The following KIF15 variants were observed in gnomAD, a reference collection of about 807,000 sequenced individuals.
KIF15 encodes the protein kinesin-like protein KIF15.
A neutral mutation model predicts 190.6 loss-of-function variants in KIF15; 140 were observed. That is an observed-to-expected ratio of 0.73 (90% CI 0.64 to 0.84). The LOEUF is 0.84. KIF15 is among the 40% of genes least tolerant of loss of function. The pLI is 0.00. For missense variants in KIF15, 1,372 were observed against 1,584.4 expected, an observed-to-expected ratio of 0.87 and a Z score of 2.28; for synonymous variants, 528 against 551.3, an observed-to-expected ratio of 0.96 and a Z score of 0.59.
chr3:44,867,180 CTG>C (rs1699331349), intron 6 of KIF15, among the ~76,000 whole-genome samples: 1 of 152,202 alleles, frequency 6.6e-6, no homozygotes, highest in African/African-American at 2.4e-5. Context: ...CCCGATCTGA[CTG>C]GGCTCAGCTC....
chr3:44,854,618 C>T (rs1412303419), downstream of KIF15, among the ~76,000 whole-genome samples: 1 of 152,166 alleles, frequency 6.6e-6, no homozygotes, highest in African/African-American at 2.4e-5. Flanking sequence ...GTTCTGATCA[C>T]CTGTATCAGC....
chr3:44,811,130 T>A, intron 17 of KIF15, 87 bp downstream of exon 17: 1 of 964,190 alleles, frequency 1.0e-6, no homozygotes, highest in Admixed American at 2.6e-5. Flanking sequence ...TAAGTTACAG[T>A]GTTCAAAAGT....
At chr3:44,833,201 A>G (rs77136835) in intron 26 of KIF15, among the ~76,000 whole-genome samples, 8,665 of 152,074 alleles carry the variant, frequency 0.057, 262 homozygotes, top group Middle Eastern at 0.092. Flanking sequence ...AGTACTTCCT[A>G]CTGCATAAGG....
chr3:44,800,231 A>G (rs928886130), intron 10 of KIF15, 83 bp from the exon 11 acceptor site: 44 of 1,343,648 alleles, frequency 3.3e-5, no homozygotes, highest in Non-Finnish European at 4.4e-5. Flanking sequence ...TCATCACTAC[A>G]AATCATACCA....
At chr3:44,837,149 A>C (rs1329769211) in intron 26 of KIF15, among the ~76,000 whole-genome samples, 1 of 152,216 alleles carries the variant, frequency 6.6e-6, no homozygotes. Context: ...TCTAGGGGAC[A>C]GTTGGGCCAG....
chr3:44,851,229 G>T (rs78974526), intron 32 of KIF15, among the ~76,000 whole-genome samples: 1 of 152,182 alleles, frequency 6.6e-6, no homozygotes, highest in Non-Finnish European at 1.5e-5. Context: ...TGGTGCCAGC[G>T]TACTCTAGCC....
chr3:44,864,206 G>A, intron 6 of KIF15: 2 of 1,613,998 alleles, frequency 1.2e-6, no homozygotes, highest in Non-Finnish European at 1.7e-6. Flanking sequence ...GGTGAGCATG[G>A]GTTTATGCGT....
chr3:44,852,033 A>T, intron 33 of KIF15, 81 bp downstream of exon 33: 2 of 1,500,336 alleles, frequency 1.3e-6, no homozygotes, highest in Non-Finnish European at 1.8e-6. Flanking sequence ...TCACTTTGTG[A>T]TTGGGTGTCC....
At chr3:44,839,892 A>G (rs780575040) in intron 27 of KIF15, among the ~76,000 whole-genome samples, 7 of 152,194 alleles carry the variant, frequency 4.6e-5, no homozygotes, top group Admixed American at 1.3e-4. Flanking sequence ...TTCATTGTGT[A>G]TATATATAGC....
intron 30 of KIF15, among the ~76,000 whole-genome samples, chr3:44,845,826 G>C (rs1343853944): frequency 2.6e-5 from 4 of 152,174 alleles, no homozygotes; most frequent in Non-Finnish European, 4.4e-5. Flanking sequence ...GCCAGCACCA[G>C]GACAGTTACT....
At chr3:44,828,780 G>GT (rs1697812825) in intron 24 of KIF15, among the ~76,000 whole-genome samples, 1 of 152,230 alleles carries the variant, frequency 6.6e-6, no homozygotes. Context: ...GCTCACGCCT[G>GT]TAATTCCAGC....
chr3:44,826,998 C>T (rs1438666691), intron 22 of KIF15: 1 of 455,930 alleles, frequency 2.2e-6, no homozygotes, highest in South Asian at 1.6e-5. Context: ...TCTTCTAGGC[C>T]CTGGTATACA....
At chr3:44,785,004 G>T in intron 6 of KIF15, 62 bp downstream of exon 6, 3 of 792,322 alleles carry the variant, frequency 3.8e-6, no homozygotes, top group Non-Finnish European at 6.3e-6. Flanking sequence ...GGTAGCTACT[G>T]ATAATTAGCT....
chr3:44,767,372 T>C (rs1705440617), intron 1 of KIF15, among the ~76,000 whole-genome samples: 1 of 152,188 alleles, frequency 6.6e-6, no homozygotes, highest in African/African-American at 2.4e-5. Flanking sequence ...ATTTTGAAAT[T>C]AGAGCCAAAG....
At chr3:44,775,110 AAG>A (rs1190140723) in intron 2 of KIF15, 142 bp from the exon 3 acceptor site, 11 of 648,136 alleles carry the variant, frequency 1.7e-5, no homozygotes, top group Non-Finnish European at 2.9e-5. Flanking sequence ...CAAAAAAAAA[AAG>A]AGGTAAATTT....
chr3:44,862,812 G>A (rs1699273550), intron 6 of KIF15: 1 of 151,992 alleles, frequency 6.6e-6, no homozygotes, highest in South Asian at 2.1e-4. Flanking sequence ...CTCTGACCTG[G>A]ACAGTGGTCA....
chr3:44,762,078 T>A (rs1328335497), intron 1 of KIF15, among the ~76,000 whole-genome samples, 194 bp downstream of exon 1: 1 of 152,220 alleles, frequency 6.6e-6, no homozygotes, highest in South Asian at 2.1e-4. Flanking sequence ...ATCCCTTCCT[T>A]CAGTGTCCTG....
At chr3:44,860,270 G>A (rs181492948) in intron 6 of KIF15, among the ~76,000 whole-genome samples, 7 of 152,258 alleles carry the variant, frequency 4.6e-5, no homozygotes, top group Admixed American at 1.3e-4. Flanking sequence ...TATCATCTTT[G>A]AGCAGCTCCT....
Position 44,802,887 on chromosome 3 carries a change from GATT to G in KIF15, c.1588_1590del (p.Leu530del). 1 of 1,612,394 alleles carries G rather than the reference GATT, an allele frequency of 6.2e-7. No homozygotes were observed. The highest frequency in any genetic ancestry group is 8.5e-7 in the Non-Finnish European group (1 of 1,179,640). On this transcript the variant is annotated inframe_deletion, in exon 14 of 35. Coordinates refer to ENST00000326047, the MANE Select transcript of KIF15 (RefSeq NM_020242.3). ...CTCAGGGAGGAGAATAGAAGACTGA[GATT>G]ATTAGAGCCTGTGAAAAGAGCTCAA...
Sources: allele counts gnomAD v4.1 joint callset (sites outside exome capture counted in the v4.1 genomes callset), GRCh38; gene constraint gnomAD v4.1.1; transcripts MANE v1.5; gene names NCBI Gene and HGNC (gene_info 2026-07-23, HGNC 2026-07-21).